STPG2: variants seen among roughly 807,000 people sequenced by gnomAD.
The protein encoded by STPG2 is sperm tail PG-rich repeat containing 2, also known as sperm-tail PG-rich repeat-containing protein 2.
Under a neutral mutation model 54.2 loss-of-function variants are expected in STPG2, and 56 were observed. The ratio of observed to expected loss-of-function variants is 1.03; its 90% CI spans 0.83 to 1.29. The LOEUF is 1.29. STPG2 is among the 50% of genes most tolerant of loss of function. The pLI is 0.00. For synonymous variants in STPG2, 200 were observed against 181.8 expected (o/e 1.10, Z -0.81); for missense variants, 596 against 544.9 (o/e 1.09, Z -0.93).
chr4:98,009,380 T>C (rs929514423), intron 5 of STPG2, among the ~76,000 whole-genome samples: 5 of 151,852 alleles, frequency 3.3e-5, no homozygotes, highest in Admixed American at 3.3e-4. Flanking sequence ...TTCATATATC[T>C]GTGAATTTTC....
At chr4:97,691,078 C>T (rs1723347619) in intron 10 of STPG2, among the ~76,000 whole-genome samples, 1 of 152,240 alleles carries the variant, frequency 6.6e-6, no homozygotes, top group Non-Finnish European at 1.5e-5. Context: ...CTTGGATGGA[C>T]AGAGCAGCAT....
intron 8 of STPG2, among the ~76,000 whole-genome samples, chr4:97,844,448 A>G (rs923181693): frequency 2.6e-5 from 4 of 152,064 alleles, no homozygotes; most frequent in African/African-American, 9.7e-5. Flanking sequence ...TTTACTAAAT[A>G]TAGATTTTTT....
chr4:97,669,245 G>T (rs548351779), intron 10 of STPG2, among the ~76,000 whole-genome samples: 1 of 152,134 alleles, frequency 6.6e-6, no homozygotes, highest in Non-Finnish European at 1.5e-5. Flanking sequence ...TATATTTTGG[G>T]ACTCCTAAAG....
intron 9 of STPG2, among the ~76,000 whole-genome samples, chr4:97,833,226 T>C (rs1728523936): frequency 6.6e-6 from 1 of 152,134 alleles, no homozygotes; most frequent in African/African-American, 2.4e-5. Context: ...AACCATCAGA[T>C]CTTTGATAAA....
intron 5 of STPG2, among the ~76,000 whole-genome samples, chr4:98,022,313 A>C (rs1200660124): frequency 2.0e-5 from 3 of 150,660 alleles, no homozygotes; most frequent in Admixed American, 1.3e-4. Context: ...CTGGGTTGAA[A>C]ATTCTTTTCT....
At chr4:97,772,786 T>C (rs536509237) in intron 9 of STPG2, among the ~76,000 whole-genome samples, 11 of 152,260 alleles carry the variant, frequency 7.2e-5, no homozygotes, top group Admixed American at 2.6e-4. Flanking sequence ...CATCCAAAAG[T>C]AAATTAATCT....
At chr4:97,658,259 TAAAG>T (rs1211526305) in intron 10 of STPG2, among the ~76,000 whole-genome samples, 2 of 152,234 alleles carry the variant, frequency 1.3e-5, no homozygotes, top group African/African-American at 4.8e-5. Context: ...ATTGTGTTCT[TAAAG>T]AAAAATGTAC....
rs183623743 is a variant in STPG2, at chr4:97,700,195, C to T, written c.1320+12504G>A. On this transcript the variant is annotated intron_variant, in intron 10 of 10. Coordinates refer to ENST00000295268, the MANE Select transcript of STPG2 (RefSeq NM_174952.3). ...ACTGCCAAAGGCTCCAGTCATCATC[C>T]CTATCTGCCACTGATACCACAACCA... is the stretch of plus-strand genomic sequence containing the variant. Among the ~76,000 whole-genome samples, 382 of 152,246 alleles carry T rather than the reference C, an allele frequency of 2.5e-3. 1 individual carries two copies. The highest frequency in any genetic ancestry group is 4.8e-3 in the Non-Finnish European group (328 of 68,014).
chr4:97,685,244 T>C (rs964969871), intron 10 of STPG2, among the ~76,000 whole-genome samples: 16 of 152,076 alleles, frequency 1.1e-4, no homozygotes, highest in Non-Finnish European at 1.6e-4. Context: ...AAAATTTATA[T>C]AGACAAAAAA....
chr4:97,456,900 A>AAAAAAAAAAAAG (rs1729539477), intron 4 of STPG2, among the ~76,000 whole-genome samples: 1 of 150,498 alleles, frequency 6.6e-6, no homozygotes, highest in African/African-American at 2.5e-5. Flanking sequence ...TCAAAAAAAA[A>AAAAAAAAAAAAG]AAAAAGAAAA....
At chr4:97,925,448 C>T (rs1426703430) in intron 8 of STPG2, among the ~76,000 whole-genome samples, 1 of 152,152 alleles carries the variant, frequency 6.6e-6, no homozygotes, top group Non-Finnish European at 1.5e-5. Context: ...TTCACTATGA[C>T]CAATTCACTC....
chr4:97,564,178 C>T (rs1168755507), intron 10 of STPG2, among the ~76,000 whole-genome samples: 2 of 152,068 alleles, frequency 1.3e-5, no homozygotes, highest in African/African-American at 2.4e-5. Flanking sequence ...ATCCCTTTAC[C>T]ATTATGTAAT....
chr4:97,602,587 A>G (rs1156840153), intron 10 of STPG2, among the ~76,000 whole-genome samples: 3 of 151,818 alleles, frequency 2.0e-5, no homozygotes, highest in Admixed American at 6.6e-5. Flanking sequence ...TTACATTAAC[A>G]AAAATTCCTT....
chr4:97,950,760 G>C (rs566555954), intron 7 of STPG2, among the ~76,000 whole-genome samples: 1 of 152,264 alleles, frequency 6.6e-6, no homozygotes, highest in South Asian at 2.1e-4. Flanking sequence ...GGAAAACTTA[G>C]TTTATAGTTT....
intron 5 of STPG2, among the ~76,000 whole-genome samples, chr4:98,102,870 T>C (rs1739085325): frequency 1.3e-5 from 2 of 148,706 alleles, no homozygotes; most frequent in African/African-American, 4.9e-5. Context: ...TAATATGGAA[T>C]ATATCATGTA....
chr4:97,956,586 C>G (rs898143690), intron 7 of STPG2, among the ~76,000 whole-genome samples: 1 of 152,088 alleles, frequency 6.6e-6, no homozygotes, highest in Non-Finnish European at 1.5e-5. Flanking sequence ...GGAGACACCC[C>G]AAATATTGTG....
intron 9 of STPG2, among the ~76,000 whole-genome samples, chr4:97,793,024 G>A (rs1247489968): frequency 6.6e-6 from 1 of 151,894 alleles, no homozygotes; most frequent in African/African-American, 2.4e-5. Flanking sequence ...TTGGTGGGGA[G>A]TCACCTGTAA....
chr4:98,109,387 C>A (rs1739281653), intron 3 of STPG2, 82 bp from the exon 4 acceptor site: 2 of 1,029,940 alleles, frequency 1.9e-6, no homozygotes, highest in Non-Finnish European at 2.8e-6. Context: ...TTACCTAAGT[C>A]TAAATCTAAA....
intron 1 of STPG2, among the ~76,000 whole-genome samples, chr4:98,138,574 A>G (rs1421355063): frequency 2.0e-5 from 3 of 152,186 alleles, no homozygotes; most frequent in Admixed American, 2.0e-4. Context: ...ACATATAAGC[A>G]GTAATTAGAT....
Sources: gnomAD v4.1 joint callset for allele counts (sites outside exome capture counted in the v4.1 genomes callset) on GRCh38, gnomAD v4.1.1 for gene constraint, MANE v1.5 for transcripts, NCBI Gene and HGNC (gene_info 2026-07-23, HGNC 2026-07-21) for gene names.